SPHKAP: variants seen among roughly 807,000 people sequenced by gnomAD.
SPHKAP encodes the protein A-kinase anchor protein SPHKAP.
SPHKAP carries 67 observed loss-of-function variants against 137.5 expected under a neutral mutation model. The observed-to-expected ratio is 0.49, with a 90% CI of 0.40 to 0.60. SPHKAP has a LOEUF of 0.60. Among genes scored for constraint, SPHKAP ranks in the 20% least tolerant of loss-of-function variants. SPHKAP has a pLI of 0.00. For synonymous variants in SPHKAP, 813 were observed against 785.3 expected (o/e 1.04, Z -0.59); for missense variants, 2,097 against 2,069.3 (o/e 1.01, Z -0.26).
chr2:228,028,019 C>T (rs6720196), intron 3 of SPHKAP: 336,757 of 983,376 alleles, frequency 0.34, 58,853 homozygotes, highest in South Asian at 0.51. Flanking sequence ...TTTGAGCCTC[C>T]AAATAGCTCT....
intron 3 of SPHKAP, among the ~76,000 whole-genome samples, chr2:228,075,105 T>A (rs1266597156): frequency 6.6e-6 from 1 of 152,060 alleles, no homozygotes; most frequent in Non-Finnish European, 1.5e-5. Context: ...AGTAGCACAA[T>A]GCCTATTAAA....
chr2:228,012,163 C>CAAAAA (rs544782857), intron 7 of SPHKAP, among the ~76,000 whole-genome samples: 60 of 84,894 alleles, frequency 7.1e-4, no homozygotes, highest in African/African-American at 1.8e-3. Context: ...GACTCTACCT[C>CAAAAA]AAAAAAAAAA....
rs1266466012 is a variant in SPHKAP, at chr2:228,019,448, G to A, written c.1406C>T (p.Ser469Phe). Residue 469 changes from serine to phenylalanine, a missense_variant, in exon 7 of 12, where the codon TCC (serine) becomes TTC (phenylalanine). Coordinates refer to ENST00000392056, the MANE Select transcript of SPHKAP (RefSeq NM_001142644.2). Reference protein sequence around the residue: ...SDAAPQPGISSWPEMEVSVET... With the variant: ...SDAAPQPGISFWPEMEVSVET... Reference sequence around the variant, plus strand: ...AACAGAGACTTCCATCTCAGGCCAGGAGGAGATGCCTGGCTGTGGGGCAGC... The same window carrying A: ...AACAGAGACTTCCATCTCAGGCCAGAAGGAGATGCCTGGCTGTGGGGCAGC... The A allele has an allele frequency of 1.2e-6, 2 of 1,614,030 alleles. No individual in the cohort carries two copies. Among genetic ancestry groups the A allele is most frequent in the South Asian group, 1.1e-5 (1 of 91,080 alleles).
At chr2:228,102,736 AT>A (rs1054466264) in intron 3 of SPHKAP, among the ~76,000 whole-genome samples, 1 of 150,526 alleles carries the variant, frequency 6.6e-6, no homozygotes, top group Non-Finnish European at 1.5e-5. Flanking sequence ...AAGTTCCTCA[AT>A]TTTTTTTGTT....
Position 228,108,883 on chromosome 2 carries a change from C to T in SPHKAP, c.195G>A (p.Arg65=), listed in dbSNP as rs750315021. 2 of 1,610,340 alleles carry T rather than the reference C, an allele frequency of 1.2e-6. No individual in the cohort carries two copies. Among genetic ancestry groups the T allele is most frequent in the South Asian group, 1.1e-5 (1 of 90,516 alleles). Residue 65 remains arginine (R), a synonymous_variant, in exon 3 of 12, where the codon AGG becomes AGA. Transcript: ENST00000392056. The stretch of plus-strand genomic sequence containing the variant: ...CTACAAAACCAATTTGGCAGGGCAT[C>T]CTCTGATTCTGCAACCAGTAGTCTG... ...ESTDYWLQNQ[R]MPCQIGFVED...
intron 1 of SPHKAP, among the ~76,000 whole-genome samples, chr2:228,172,221 C>A (rs1265568117): frequency 6.6e-6 from 1 of 152,114 alleles, no homozygotes; most frequent in Non-Finnish European, 1.5e-5. Flanking sequence ...GCATATGATA[C>A]AACACCATTC....
intron 1 of SPHKAP, among the ~76,000 whole-genome samples, chr2:228,152,952 G>A (rs1020689705): frequency 6.6e-6 from 1 of 152,096 alleles, no homozygotes; most frequent in Non-Finnish European, 1.5e-5. Context: ...TTGAATCATG[G>A]AGGGAGTTTC....
At position 228,067,217 on chromosome 2, in the gene SPHKAP, G is replaced by A. The variant is rs1334512311; in HGVS notation, c.247-39674C>T. On this transcript the variant is annotated intron_variant, in intron 3 of 11. Transcript: ENST00000392056. The stretch of plus-strand genomic sequence containing the variant: ...ACAGGAACATTTGCATCTTCTGTCT[G>A]AACACTGCAGAAGTCCCAATTATTT... 2.0e-5 allele frequency among the ~76,000 whole-genome samples: 3 copies of A among 152,164 alleles called. No homozygotes were observed. The East Asian group carries it at 5.8e-4, about 29-fold the overall frequency.
At chr2:228,034,692 G>A (rs914920618) in intron 3 of SPHKAP, among the ~76,000 whole-genome samples, 1 of 152,096 alleles carries the variant, frequency 6.6e-6, no homozygotes, top group Non-Finnish European at 1.5e-5. Flanking sequence ...ATGATCAAGT[G>A]GGCTTCATCC....
intron 2 of SPHKAP, among the ~76,000 whole-genome samples, chr2:228,131,500 T>A (rs766108227): frequency 6.7e-6 from 1 of 149,614 alleles, no homozygotes; most frequent in Admixed American, 6.7e-5. Context: ...TTTTTTTTTA[T>A]ATCAGCTCTT....
intron 1 of SPHKAP, among the ~76,000 whole-genome samples, chr2:228,175,934 A>G (rs1026969512): frequency 6.6e-6 from 1 of 152,218 alleles, no homozygotes; most frequent in Non-Finnish European, 1.5e-5. Context: ...TAAAAAATCT[A>G]TCATGAAACC....
At chr2:228,069,286 G>A (rs1696930581) in intron 3 of SPHKAP, among the ~76,000 whole-genome samples, 1 of 151,988 alleles carries the variant, frequency 6.6e-6, no homozygotes, top group Non-Finnish European at 1.5e-5. Context: ...AACAACAACT[G>A]GGCAAAGACA....
rs756061811 is a variant in SPHKAP, at chr2:228,108,885, T to C, written c.193A>G (p.Arg65Gly). The change falls in exon 3 of 12, where the codon AGG becomes GGG. Residue 65 changes from arginine to glycine, a missense_variant. Transcript: ENST00000392056. Reference protein sequence around the residue: ...ESTDYWLQNQRMPCQIGFVED... With the variant: ...ESTDYWLQNQGMPCQIGFVED... ...ACAAAACCAATTTGGCAGGGCATCC[T>C]CTGATTCTGCAACCAGTAGTCTGTT... is the stretch of plus-strand genomic sequence containing the variant. The C allele has an allele frequency of 6.2e-7, 1 of 1,610,482 alleles. No homozygotes were observed. Among genetic ancestry groups the C allele is most frequent in the Non-Finnish European group, 8.5e-7 (1 of 1,179,236 alleles).
chr2:228,082,338 A>G (rs1697390220), intron 3 of SPHKAP, among the ~76,000 whole-genome samples: 1 of 152,204 alleles, frequency 6.6e-6, no homozygotes, highest in Non-Finnish European at 1.5e-5. Context: ...TTCAACAACC[A>G]TGCACATTTC....
chr2:228,072,077 A>G (rs544577917), intron 3 of SPHKAP, among the ~76,000 whole-genome samples: 41 of 152,328 alleles, frequency 2.7e-4, no homozygotes, highest in African/African-American at 9.9e-4. Flanking sequence ...AGAATAAAAA[A>G]GTGGAGGAAG....
intron 1 of SPHKAP, among the ~76,000 whole-genome samples, chr2:228,174,594 C>A (rs1333324644): frequency 6.6e-6 from 1 of 152,192 alleles, no homozygotes; most frequent in Admixed American, 6.5e-5. Flanking sequence ...ATGACGCTGA[C>A]TTCCAGTTTC....
chr2:228,032,520 A>T (rs1248332731), intron 3 of SPHKAP, among the ~76,000 whole-genome samples: 1 of 152,202 alleles, frequency 6.6e-6, no homozygotes, highest in African/African-American at 2.4e-5. Flanking sequence ...AGATCCAGGA[A>T]ATACAGAGAA....
chr2:228,043,639 T>C (rs1418871210), intron 3 of SPHKAP, among the ~76,000 whole-genome samples: 1 of 152,202 alleles, frequency 6.6e-6, no homozygotes, highest in Non-Finnish European at 1.5e-5. Context: ...GGATGTAGTT[T>C]TCATTGATGT....
intron 1 of SPHKAP, among the ~76,000 whole-genome samples, chr2:228,174,559 C>T (rs919460442): frequency 5.9e-5 from 9 of 152,142 alleles, no homozygotes; most frequent in South Asian, 2.1e-4. Context: ...TCTCAGTCTT[C>T]GTTCCTCGTC....
Sources: gnomAD v4.1 joint callset for allele counts (sites outside exome capture counted in the v4.1 genomes callset) on GRCh38, gnomAD v4.1.1 for gene constraint, MANE v1.5 for transcripts, NCBI Gene and HGNC (gene_info 2026-07-23, HGNC 2026-07-21) for gene names.